Variants in LAMA2 observed in about 807,000 individuals in gnomAD.
LAMA2 encodes laminin subunit alpha-2.
LAMA2 carries 269 observed loss-of-function variants against 364.8 expected under a neutral mutation model. The observed-to-expected ratio is 0.74, with a 90% CI of 0.67 to 0.82. The LOEUF (loss-of-function observed/expected upper bound fraction) is 0.82. Ranked by LOEUF, LAMA2 falls within the 40% of genes least tolerant of loss-of-function variation. The pLI is 0.00. For synonymous variants in LAMA2, 1,379 were observed against 1,370.6 expected, an observed-to-expected ratio of 1.01 and a Z score of -0.14; for missense variants, 3,807 against 3,873.2, an observed-to-expected ratio of 0.98 and a Z score of 0.45.
chr6:128,984,119 A>G (rs575347797), intron 1 of LAMA2, among the ~76,000 whole-genome samples: 2 of 152,176 alleles, frequency 1.3e-5, no homozygotes, highest in Admixed American at 6.5e-5. Flanking sequence ...CAGTGTGGCT[A>G]TCCTTGCAAA....
At chr6:129,139,764 A>G (rs1460930732) in intron 4 of LAMA2, among the ~76,000 whole-genome samples, 5 of 152,124 alleles carry the variant, frequency 3.3e-5, no homozygotes, top group Non-Finnish European at 7.4e-5. Context: ...TCATTTACAT[A>G]AAAATTCTTT....
intron 40 of LAMA2, among the ~76,000 whole-genome samples, chr6:129,408,245 A>T (rs1304950848): frequency 6.6e-6 from 1 of 152,182 alleles, no homozygotes; most frequent in East Asian, 1.9e-4. Context: ...GATTCAAGGC[A>T]TACACAGCCT....
intron 7 of LAMA2, among the ~76,000 whole-genome samples, chr6:129,152,755 T>C (rs963747887): frequency 6.6e-6 from 1 of 152,156 alleles, no homozygotes; most frequent in Admixed American, 6.6e-5. Context: ...GTGGTGTTAT[T>C]TGTAAAGGGA....
intron 29 of LAMA2, among the ~76,000 whole-genome samples, chr6:129,335,344 G>A (rs1775890198): frequency 6.8e-6 from 1 of 146,202 alleles, no homozygotes; most frequent in African/African-American, 2.5e-5. Context: ...CACACACATA[G>A]GTAGTAAGTA....
intron 51 of LAMA2, among the ~76,000 whole-genome samples, chr6:129,470,322 G>A (rs992385941): frequency 5.3e-5 from 8 of 151,828 alleles, no homozygotes; most frequent in Admixed American, 2.0e-4. Context: ...CTTAAAGTAC[G>A]CAAGGAAAAT....
chr6:129,486,486 A>G lies in LAMA2; in HGVS notation c.7762A>G (p.Ile2588Val), dbSNP rs886061056. The change falls in exon 56 of 65, where the codon ATA (isoleucine) becomes GTA (valine). Residue 2588 changes from isoleucine (I) to valine (V), a missense_variant. Physicochemically the swap from Ile to Val is conservative, Grantham distance 29. Transcript: ENST00000421865. The stretch of plus-strand genomic sequence containing the variant: ...CTTGCTGTTGCAGGCCTATTATGCA[A>G]TACTCCTCAACAGGGGCCGTCTGGA... ...RRQTGQAYYA[I>V]LLNRGRLEVH... 1.2e-6 allele frequency: 2 copies of G among 1,613,762 alleles called. No individual in the cohort carries two copies. The highest frequency in any genetic ancestry group is 2.2e-5 in the South Asian group (2 of 91,070).
At chr6:128,899,185 T>A (rs1167971923) in intron 1 of LAMA2, among the ~76,000 whole-genome samples, 1 of 152,240 alleles carries the variant, frequency 6.6e-6, no homozygotes, top group Non-Finnish European at 1.5e-5. Flanking sequence ...TACATAAATA[T>A]TTTTTATTTT....
intron 56 of LAMA2, among the ~76,000 whole-genome samples, chr6:129,487,478 G>A (rs1784649749): frequency 6.6e-6 from 1 of 152,144 alleles, no homozygotes. Flanking sequence ...TTATCAGACT[G>A]AAGACATAGA....
At chr6:129,103,105 A>ACCT (rs1775609791) in intron 4 of LAMA2, among the ~76,000 whole-genome samples, 1 of 152,114 alleles carries the variant, frequency 6.6e-6, no homozygotes, top group Admixed American at 6.5e-5. Flanking sequence ...CGTACCAATC[A>ACCT]CCTGTCTAGA....
chr6:129,451,931 G>C (rs557123014), intron 45 of LAMA2, among the ~76,000 whole-genome samples: 2 of 152,154 alleles, frequency 1.3e-5, no homozygotes, highest in South Asian at 2.1e-4. Context: ...ATGCTAGTTG[G>C]TTTTCTTCCA....
At chr6:129,427,576 G>A (rs939226272) in intron 40 of LAMA2, among the ~76,000 whole-genome samples, 176 bp from the exon 41 acceptor site, 2 of 152,054 alleles carry the variant, frequency 1.3e-5, no homozygotes, top group East Asian at 1.9e-4. Flanking sequence ...TTCTCATACC[G>A]TAATAAACAG....
rs541366129 is a variant in LAMA2, at chr6:129,230,080, G to A, written c.1783-20032G>A. ...TGTGATAACCAAGAAAATGAATAACGAGACAAAATATGAGATCTAAGGATT... is the reference window on the plus strand; with the variant it reads ...TGTGATAACCAAGAAAATGAATAACAAGACAAAATATGAGATCTAAGGATT... On this transcript the variant is annotated intron_variant, in intron 12 of 64. Coordinates refer to ENST00000421865, the MANE Select transcript of LAMA2 (RefSeq NM_000426.4). 5.0e-4 allele frequency among the ~76,000 whole-genome samples: 76 copies of A among 152,156 alleles called. 1 individual carries two copies. The highest frequency in any genetic ancestry group is 9.1e-4 in the Non-Finnish European group (62 of 67,988).
At chr6:129,057,231 G>T (rs1341292287) in intron 2 of LAMA2, among the ~76,000 whole-genome samples, 4 of 152,006 alleles carry the variant, frequency 2.6e-5, no homozygotes, top group Non-Finnish European at 5.9e-5. Flanking sequence ...GCATAATAAT[G>T]GTTAGAATGC....
intron 46 of LAMA2, among the ~76,000 whole-genome samples, chr6:129,453,547 G>A (rs1352035283): frequency 6.6e-6 from 1 of 151,896 alleles, no homozygotes; most frequent in South Asian, 2.1e-4. Context: ...TTTTACCAAT[G>A]GAAACTCTTC....
chr6:129,222,008 A>G (rs1320159370), intron 12 of LAMA2, among the ~76,000 whole-genome samples: 1 of 152,228 alleles, frequency 6.6e-6, no homozygotes, highest in Non-Finnish European at 1.5e-5. Flanking sequence ...ATTTGCTGAA[A>G]TTATCTTTTT....
At chr6:129,167,511 A>T (rs1231581014) in intron 9 of LAMA2, among the ~76,000 whole-genome samples, 1 of 152,050 alleles carries the variant, frequency 6.6e-6, no homozygotes, top group Admixed American at 6.5e-5. Flanking sequence ...TTATGGCTGC[A>T]TAGTATTCCA....
chr6:128,952,790 C>T (rs114016398), intron 1 of LAMA2, among the ~76,000 whole-genome samples: 1,688 of 152,090 alleles, frequency 0.011, 30 homozygotes, highest in African/African-American at 0.039. Flanking sequence ...GATAGAAATC[C>T]AAATTGAGCA....
At chr6:128,888,193 A>AGGCTTAGTATATAT (rs1266823167) in intron 1 of LAMA2, among the ~76,000 whole-genome samples, 3 of 152,192 alleles carry the variant, frequency 2.0e-5, no homozygotes, top group African/African-American at 7.2e-5. Flanking sequence ...AGTATATACC[A>AGGCTTAGTATATAT]AGCAGATAGA....
chr6:129,356,506 G>T (rs531375682), intron 32 of LAMA2, among the ~76,000 whole-genome samples: 7 of 152,032 alleles, frequency 4.6e-5, no homozygotes, highest in Non-Finnish European at 1.0e-4. Flanking sequence ...CCCACTGTGT[G>T]ATAAGAGAAC....
Sources: allele counts gnomAD v4.1 joint callset (sites outside exome capture counted in the v4.1 genomes callset), GRCh38; gene constraint gnomAD v4.1.1; transcripts MANE v1.5; gene names NCBI Gene and HGNC (gene_info 2026-07-23, HGNC 2026-07-21).